Variants in SFT2D2 observed in about 807,000 individuals in gnomAD.
SFT2D2 encodes SFT2 domain containing 2.
A neutral mutation model predicts 27.4 loss-of-function variants in SFT2D2; 21 were observed. That is an observed-to-expected ratio of 0.77 (90% CI 0.54 to 1.10). SFT2D2 has a LOEUF of 1.10. Among genes scored for constraint, SFT2D2 ranks in the 50% least tolerant of loss-of-function variants. SFT2D2 has a pLI of 0.00. For missense variants in SFT2D2, 187 were observed against 194.2 expected (o/e 0.96, Z 0.22); for synonymous variants, 72 against 71.7 (o/e 1.00, Z -0.02).
At chr1:168,227,420 C>G (rs10918853) in intron 1 of SFT2D2, among the ~76,000 whole-genome samples, 2,143 of 152,256 alleles carry the variant, frequency 0.014, 56 homozygotes, top group African/African-American at 0.05. Context: ...TGATTTTATT[C>G]GGTTTTGTTT....
chr1:168,239,989 C>G (rs1158106726), intron 7 of SFT2D2, among the ~76,000 whole-genome samples: 1 of 151,922 alleles, frequency 6.6e-6, no homozygotes. Flanking sequence ...TCCTGGCTAA[C>G]ACAGTGAAAC....
Position 168,252,693 on chromosome 1 carries a change from G to T in SFT2D2, c.*10153G>T, listed in dbSNP as rs1049371604. 2.0e-4 allele frequency: 30 copies of T among 152,168 alleles called. 1 individual carries two copies. Among genetic ancestry groups the T allele is most frequent in the African/African-American group, 5.6e-4 (23 of 41,438 alleles). 9.4% of individuals were successfully genotyped at this position (152,168 alleles called of 1,614,324 possible). A position where few individuals can be genotyped will look rare whatever the true frequency, so the allele number is the denominator to read the frequency against. ...GGACATTCAAAAGCCCATGGTGAATGCATATGCCTTTAGAATATTGTGCCT... is the reference window on the plus strand; with the variant it reads ...GGACATTCAAAAGCCCATGGTGAATTCATATGCCTTTAGAATATTGTGCCT... On this transcript the variant is annotated 3_prime_UTR_variant, in exon 8 of 8. Coordinates refer to ENST00000271375, the MANE Select transcript of SFT2D2 (RefSeq NM_199344.3).
chr1:168,231,927 T>C lies in SFT2D2; in HGVS notation c.236+8T>C, dbSNP rs775206034. 1.2e-6 allele frequency: 2 copies of C among 1,613,400 alleles called. No homozygotes were observed. The highest frequency in any genetic ancestry group is 1.7e-6 in the Non-Finnish European group (2 of 1,179,380). On this transcript the variant is annotated splice_region_variant and intron_variant, in intron 3 of 7. Coordinates refer to ENST00000271375, the MANE Select transcript of SFT2D2 (RefSeq NM_199344.3). ...TATCGCATCAATTGGGAGGTAACTG[T>C]TTTTTAAAAATCCAATTTTAGCCAA...
chr1:168,228,132 C>A (rs1175341404), intron 1 of SFT2D2, among the ~76,000 whole-genome samples: 1 of 152,188 alleles, frequency 6.6e-6, no homozygotes, highest in Non-Finnish European at 1.5e-5. Context: ...ATGGCACTTC[C>A]AGAGTCTTGA....
intron 1 of SFT2D2, among the ~76,000 whole-genome samples, chr1:168,228,339 C>A (rs982996247): frequency 6.6e-6 from 1 of 152,120 alleles, no homozygotes; most frequent in Non-Finnish European, 1.5e-5. Context: ...TTGAATTAGG[C>A]GCTCTTAAAA....
At chr1:168,228,145 T>A (rs1700480392) in intron 1 of SFT2D2, among the ~76,000 whole-genome samples, 1 of 152,234 alleles carries the variant, frequency 6.6e-6, no homozygotes, top group Non-Finnish European at 1.5e-5. Flanking sequence ...AGTCTTGAAT[T>A]CCTAGGAAAT....
In SFT2D2 at chr1:168,251,088, G is replaced by C. The variant is rs1392258838; in HGVS notation, c.*8548G>C. On this transcript the variant is annotated 3_prime_UTR_variant, in exon 8 of 8. Transcript: ENST00000271375. ...GGAGGCTGAGGTGGGTGGATCGCTT[G>C]AGGTCAGGAGTTCAAGACCAGCCTG... 2.0e-5 allele frequency: 3 copies of C among 152,232 alleles called. No homozygotes were observed. Among genetic ancestry groups the C allele is most frequent in the African/African-American group, 7.2e-5 (3 of 41,418 alleles). 9.4% of individuals were successfully genotyped at this position (152,232 alleles called of 1,614,324 possible).
chr1:168,229,378 G>A (rs533767954), intron 1 of SFT2D2, among the ~76,000 whole-genome samples: 2 of 152,298 alleles, frequency 1.3e-5, no homozygotes, highest in African/African-American at 2.4e-5. Context: ...AGATGTCAAA[G>A]CCAATTCAAA....
At chr1:168,231,949 C>G in intron 3 of SFT2D2, 30 bp downstream of exon 3, 1 of 1,589,862 alleles carries the variant, frequency 6.3e-7, no homozygotes, top group Non-Finnish European at 8.6e-7. Context: ...CCAATTTTAG[C>G]CAATCATTAG....
At position 168,244,746 on chromosome 1, in the gene SFT2D2, C is replaced by G; in HGVS notation, c.*2206C>G. 6.6e-6 allele frequency: 1 copy of G among 152,136 alleles called. No individual in the cohort carries two copies. Among genetic ancestry groups the G allele is most frequent in the East Asian group, 1.9e-4 (1 of 5,202 alleles). 9.4% of individuals were successfully genotyped at this position (152,136 alleles called of 1,614,324 possible). ...GAGGAGGTCAGGAGGGCTCATGGTTCCTTTTCTTTAGAACTGATACGAGGC... is the reference window on the plus strand; with the variant it reads ...GAGGAGGTCAGGAGGGCTCATGGTTGCTTTTCTTTAGAACTGATACGAGGC... On this transcript the variant is annotated 3_prime_UTR_variant, in exon 8 of 8. Coordinates refer to ENST00000271375, the MANE Select transcript of SFT2D2 (RefSeq NM_199344.3).
intron 1 of SFT2D2, 67 bp downstream of exon 1, chr1:168,226,209 T>C: frequency 7.0e-7 from 1 of 1,418,594 alleles, no homozygotes; most frequent in Non-Finnish European, 9.4e-7. Context: ...TGCCCGGGCC[T>C]GGGAAGCCTG....
Position 168,226,140 on chromosome 1 carries a change from G to A in SFT2D2, c.61G>A (p.Glu21Lys), listed in dbSNP as rs1409117939. The A allele has an allele frequency of 6.5e-7, 1 of 1,532,800 alleles. No individual in the cohort carries two copies. The highest frequency in any genetic ancestry group is 8.8e-7 in the Non-Finnish European group (1 of 1,139,214). 94.9% of individuals were successfully genotyped at this position (1,532,800 alleles called of 1,614,324 possible). ...CACGGAGGACCGGAGCGGCCTGTCC[G>A]AGGTGAGTGAGCCCGGGGCCGTCGG... is the stretch of plus-strand genomic sequence containing the variant. ...QDTEDRSGLS[E>K]VVEASSLSWS... The change falls in exon 1 of 8, where the codon GAG becomes AAG. Residue 21 changes from glutamate (E) to lysine (K), a missense_variant and splice_region_variant. Glu to Lys is a moderately conservative substitution (Grantham distance 56). Coordinates refer to ENST00000271375, the MANE Select transcript of SFT2D2 (RefSeq NM_199344.3).
At chr1:168,232,315 C>A (rs1339623413) in intron 3 of SFT2D2, among the ~76,000 whole-genome samples, 1 of 152,132 alleles carries the variant, frequency 6.6e-6, no homozygotes, top group Non-Finnish European at 1.5e-5. Flanking sequence ...TCAGACCTTC[C>A]CAGACCTGAG....
chr1:168,241,947 G>A (rs545379734), intron 7 of SFT2D2, among the ~76,000 whole-genome samples: 2 of 152,282 alleles, frequency 1.3e-5, no homozygotes, highest in South Asian at 4.1e-4. Flanking sequence ...GGTGGAAATG[G>A]AAGTGCTTGC....
In SFT2D2 at chr1:168,235,183, G is replaced by A. The variant is rs1647463244; in HGVS notation, c.318+1G>A. The A allele has an allele frequency of 1.9e-6, 3 of 1,613,848 alleles. No homozygotes were observed. Among genetic ancestry groups the A allele is most frequent in the Non-Finnish European group, 1.7e-6 (2 of 1,179,958 alleles). On this transcript the variant is annotated splice_donor_variant, in intron 4 of 7. Coordinates refer to ENST00000271375, the MANE Select transcript of SFT2D2 (RefSeq NM_199344.3). LOFTEE classifies it high-confidence loss of function. ...TTTGATTGCAACTATCATGGTGCTG[G>A]TAAGGTCTGCTTTTTAGCTGGACTT...
At chr1:168,227,512 G>GAATTACTC (rs1700474277) in intron 1 of SFT2D2, among the ~76,000 whole-genome samples, 1 of 152,194 alleles carries the variant, frequency 6.6e-6, no homozygotes, top group Non-Finnish European at 1.5e-5. Context: ...TAATTCTATG[G>GAATTACTC]GATCGAATGT....
rs1647815789 is a variant in SFT2D2 at position 168,246,531 on chromosome 1, C to G, written c.*3991C>G. The G allele has an allele frequency of 6.7e-7, 1 of 1,499,324 alleles. No individual in the cohort carries two copies. Among genetic ancestry groups the G allele is most frequent in the Admixed American group, 1.8e-5 (1 of 56,052 alleles). 92.9% of individuals were successfully genotyped at this position (1,499,324 alleles called of 1,614,324 possible). A position where few individuals can be genotyped will look rare whatever the true frequency, so the allele number is the denominator to read the frequency against. On this transcript the variant is annotated 3_prime_UTR_variant, in exon 8 of 8. Coordinates refer to ENST00000271375, the MANE Select transcript of SFT2D2 (RefSeq NM_199344.3). Reference sequence around the variant, plus strand: ...GGAGCTCAGTTTTGAGGCACCTGGACTTACTCTCAGCTTTAGAAAGTTGCT... The same window carrying G: ...GGAGCTCAGTTTTGAGGCACCTGGAGTTACTCTCAGCTTTAGAAAGTTGCT...
intron 3 of SFT2D2, 79 bp downstream of exon 3, chr1:168,231,998 A>G (rs917441748): frequency 8.7e-7 from 1 of 1,147,782 alleles, no homozygotes; most frequent in Non-Finnish European, 1.3e-6. Context: ...AGGGAGGTGA[A>G]AGAGGAGGCT....
rs1449967587 is a variant in SFT2D2 at position 168,247,213 on chromosome 1, A to G, written c.*4673A>G. 7.4e-6 allele frequency: 2 copies of G among 271,130 alleles called. No individual in the cohort carries two copies. The highest frequency in any genetic ancestry group is 4.0e-5 in the South Asian group (1 of 24,742). 16.8% of individuals were successfully genotyped at this position (271,130 alleles called of 1,614,324 possible). ...TGCATTTTTAATTTTCTTTTTTTAT[A>G]TGAGATTCTGGAAATACTTCTTTTT... is the stretch of plus-strand genomic sequence containing the variant. On this transcript the variant is annotated 3_prime_UTR_variant, in exon 8 of 8. Transcript: ENST00000271375.
Sources: allele counts gnomAD v4.1 joint callset (sites outside exome capture counted in the v4.1 genomes callset), GRCh38; gene constraint gnomAD v4.1.1; transcripts MANE v1.5; gene names NCBI Gene and HGNC (gene_info 2026-07-23, HGNC 2026-07-21).